Variants in NTNG1 observed in about 807,000 individuals in gnomAD.
The protein encoded by NTNG1 is netrin G1.
A neutral mutation model predicts 54.0 loss-of-function variants in NTNG1; 16 were observed. That is an observed-to-expected ratio of 0.30 (90% confidence interval 0.20 to 0.45). The LOEUF (loss-of-function observed/expected upper bound fraction) is 0.45. Among genes scored for constraint, NTNG1 ranks in the 20% least tolerant of loss-of-function variants. The pLI, the probability that NTNG1 is intolerant of heterozygous loss-of-function variation, is 1.00. For missense variants in NTNG1, 530 were observed against 678.7 expected, an observed-to-expected ratio of 0.78 and a Z score of 2.43; for synonymous variants, 255 against 263.1, an observed-to-expected ratio of 0.97 and a Z score of 0.30.
At chr1:107,206,385 G>A (rs917370381) in intron 2 of NTNG1, among the ~76,000 whole-genome samples, 2 of 152,056 alleles carry the variant, frequency 1.3e-5, no homozygotes, top group African/African-American at 4.8e-5. Flanking sequence ...TTCCCTATGG[G>A]TAATAATGTT....
At chr1:107,154,451 C>G (rs1654811419) in intron 2 of NTNG1, among the ~76,000 whole-genome samples, 1 of 151,434 alleles carries the variant, frequency 6.6e-6, no homozygotes. Flanking sequence ...TAAAAATTAG[C>G]CAGACAAGGT....
At chr1:107,199,695 C>A (rs924407652) in intron 2 of NTNG1, among the ~76,000 whole-genome samples, 1 of 151,880 alleles carries the variant, frequency 6.6e-6, no homozygotes, top group African/African-American at 2.4e-5. Flanking sequence ...CTAAGTGACA[C>A]TTACTTATTC....
chr1:107,387,817 A>C (rs1182267030), intron 3 of NTNG1, among the ~76,000 whole-genome samples: 2 of 152,216 alleles, frequency 1.3e-5, no homozygotes, highest in African/African-American at 2.4e-5. Context: ...AATAATGTAC[A>C]TAAAGCATCT....
At chr1:107,350,245 AT>A (rs1669521484) in intron 3 of NTNG1, among the ~76,000 whole-genome samples, 2 of 152,124 alleles carry the variant, frequency 1.3e-5, no homozygotes, top group Non-Finnish European at 2.9e-5. Context: ...TTTATCTTTC[AT>A]TTTAATTGAT....
At chr1:107,158,980 G>A (rs1655208142) in intron 2 of NTNG1, among the ~76,000 whole-genome samples, 1 of 152,060 alleles carries the variant, frequency 6.6e-6, no homozygotes. Context: ...TATACTAAAG[G>A]GCCTCAATCT....
chr1:107,237,538 G>C (rs1420881825), intron 2 of NTNG1, among the ~76,000 whole-genome samples: 1 of 152,150 alleles, frequency 6.6e-6, no homozygotes, highest in Non-Finnish European at 1.5e-5. Flanking sequence ...GCACATCAGA[G>C]GTCTTCATGG....
chr1:107,375,195 T>C (rs1307648142), intron 3 of NTNG1, among the ~76,000 whole-genome samples: 1 of 152,216 alleles, frequency 6.6e-6, no homozygotes, highest in African/African-American at 2.4e-5. Flanking sequence ...TCTCCAGTAC[T>C]TAGCCTTGAC....
intron 2 of NTNG1, among the ~76,000 whole-genome samples, chr1:107,164,849 A>G (rs747669567): frequency 6.6e-6 from 1 of 152,170 alleles, no homozygotes; most frequent in African/African-American, 2.4e-5. Context: ...ACTTCTATAG[A>G]AGGGTGCAAC....
intron 7 of NTNG1, among the ~76,000 whole-genome samples, chr1:107,458,103 T>C (rs976773216): frequency 6.6e-6 from 1 of 152,180 alleles, no homozygotes; most frequent in African/African-American, 2.4e-5. Flanking sequence ...ATTCACCATA[T>C]GCCTAATGTC....
chr1:107,419,256 C>CTG (rs1674427090), intron 5 of NTNG1, among the ~76,000 whole-genome samples: 1 of 151,466 alleles, frequency 6.6e-6, no homozygotes, highest in Non-Finnish European at 1.5e-5. Flanking sequence ...CTCTCTCTCT[C>CTG]TCTGTCTTTC....
chr1:107,223,686 C>T (rs995546737), intron 2 of NTNG1, among the ~76,000 whole-genome samples: 3 of 149,682 alleles, frequency 2.0e-5, no homozygotes, highest in Admixed American at 1.3e-4. Flanking sequence ...AAAAAATAAA[C>T]AGTCTTGAAT....
At chr1:107,423,247 G>A (rs1674682678) in intron 5 of NTNG1, among the ~76,000 whole-genome samples, 1 of 152,040 alleles carries the variant, frequency 6.6e-6, no homozygotes, top group Non-Finnish European at 1.5e-5. Flanking sequence ...CCCACTAGAA[G>A]AATAGTACTC....
intron 2 of NTNG1, among the ~76,000 whole-genome samples, chr1:107,238,214 A>G (rs1333830417): frequency 1.3e-5 from 2 of 152,126 alleles, no homozygotes; most frequent in Non-Finnish European, 2.9e-5. Context: ...TTAAGATTTG[A>G]CTGCCCCACT....
At chr1:107,320,257 T>A (rs1667576583) in intron 2 of NTNG1, among the ~76,000 whole-genome samples, 1 of 152,178 alleles carries the variant, frequency 6.6e-6, no homozygotes, top group African/African-American at 2.4e-5. Context: ...TTCTGCTTTG[T>A]CCACAATCAG....
chr1:107,167,466 C>G (rs1263302948), intron 2 of NTNG1, among the ~76,000 whole-genome samples: 1 of 151,356 alleles, frequency 6.6e-6, no homozygotes, highest in Non-Finnish European at 1.5e-5. Flanking sequence ...ATTATTAGTA[C>G]AAATATAAAA....
intron 3 of NTNG1, among the ~76,000 whole-genome samples, chr1:107,362,721 C>T (rs1426303135): frequency 2.0e-5 from 3 of 152,088 alleles, no homozygotes; most frequent in Non-Finnish European, 2.9e-5. Context: ...AACTGAAACA[C>T]GGCATATATG....
intron 2 of NTNG1, among the ~76,000 whole-genome samples, chr1:107,181,816 G>GT (rs1303613760): frequency 2.0e-5 from 3 of 152,028 alleles, no homozygotes; most frequent in African/African-American, 7.2e-5. Flanking sequence ...GAAATGTGAG[G>GT]TAAGGCTGAG....
At chr1:107,218,841 C>G (rs938960207) in intron 2 of NTNG1, among the ~76,000 whole-genome samples, 2 of 152,008 alleles carry the variant, frequency 1.3e-5, no homozygotes, top group Non-Finnish European at 2.9e-5. Flanking sequence ...CAGATTCTTT[C>G]CTTTGTTGTG....
chr1:107,304,966 TA>T (rs1666586696), intron 2 of NTNG1, among the ~76,000 whole-genome samples: 1 of 152,188 alleles, frequency 6.6e-6, no homozygotes, highest in Admixed American at 6.5e-5. Context: ...AGCTCCCACT[TA>T]TGAGTGAGAA....
Sources: allele counts gnomAD v4.1 joint callset (sites outside exome capture counted in the v4.1 genomes callset), GRCh38; gene constraint gnomAD v4.1.1; transcripts MANE v1.5; gene names NCBI Gene and HGNC (gene_info 2026-07-23, HGNC 2026-07-21).